Variants in ASAP1 observed in about 807,000 individuals in gnomAD.
ASAP1 encodes the protein ArfGAP with SH3 domain, ankyrin repeat and PH domain 1.
In ASAP1, 43 loss-of-function variants were observed where a neutral mutation model predicts 145.2. That is an observed-to-expected ratio of 0.30 (90% confidence interval 0.23 to 0.38). ASAP1 has a LOEUF of 0.38. ASAP1 is among the 10% of genes least tolerant of loss of function. ASAP1 has a pLI of 1.00. For synonymous variants in ASAP1, 546 were observed against 515.5 expected (o/e 1.06, Z -0.80); for missense variants, 1,018 against 1,355.3 (o/e 0.75, Z 3.91).
intron 24 of ASAP1, among the ~76,000 whole-genome samples, chr8:130,109,179 T>C (rs1159603257): frequency 6.6e-6 from 1 of 152,104 alleles, no homozygotes; most frequent in Non-Finnish European, 1.5e-5. Context: ...TTTACAGCTT[T>C]GATTTAGTCT....
chr8:130,092,210 T>A, intron 24 of ASAP1, 67 bp from the exon 25 acceptor site: 2 of 1,487,032 alleles, frequency 1.3e-6, no homozygotes, highest in Non-Finnish European at 1.8e-6. Context: ...ACAGCCAGTA[T>A]GAAATCACTT....
At chr8:130,337,418 G>A (rs1825104607) in intron 3 of ASAP1, among the ~76,000 whole-genome samples, 2 of 152,096 alleles carry the variant, frequency 1.3e-5, no homozygotes, top group African/African-American at 4.8e-5. Flanking sequence ...TTTTTTAGAA[G>A]TCTCCAGTGT....
chr8:130,191,022 G>T (rs1418292227), intron 5 of ASAP1, among the ~76,000 whole-genome samples: 1 of 150,844 alleles, frequency 6.6e-6, no homozygotes, highest in Non-Finnish European at 1.5e-5. Context: ...GAGATATTTA[G>T]GAAGTGCAAT....
chr8:130,241,234 G>A (rs900809258), intron 3 of ASAP1, among the ~76,000 whole-genome samples: 1 of 152,016 alleles, frequency 6.6e-6, no homozygotes, highest in Non-Finnish European at 1.5e-5. Context: ...CCCCACAAAA[G>A]CCTTCTAAGG....
chr8:130,399,827 T>C (rs2138554422), intron 2 of ASAP1, among the ~76,000 whole-genome samples: 1 of 147,824 alleles, frequency 6.8e-6, no homozygotes, highest in South Asian at 2.1e-4. Flanking sequence ...TTTTTTTTTT[T>C]TTTTTTGAGA....
intron 1 of ASAP1, among the ~76,000 whole-genome samples, chr8:130,406,054 G>C (rs117327577): frequency 6.6e-6 from 1 of 152,148 alleles, no homozygotes; most frequent in Non-Finnish European, 1.5e-5. Context: ...ATACTAAGGC[G>C]ATTTCATTTC....
intron 25 of ASAP1, among the ~76,000 whole-genome samples, chr8:130,088,874 T>C (rs994848897): frequency 6.6e-6 from 1 of 152,196 alleles, no homozygotes; most frequent in African/African-American, 2.4e-5. Flanking sequence ...ACAGACACTA[T>C]TACTAGCCCC....
chr8:130,283,583 G>GAAAAAAAAAAAA lies in ASAP1; in HGVS notation c.187-46590_187-46589insTTTTTTTTTTTT, dbSNP rs745389921. Among the ~76,000 whole-genome samples, 14 of 98,792 alleles carry GAAAAAAAAAAAA rather than the reference G, an allele frequency of 1.4e-4. 1 individual carries two copies. Among genetic ancestry groups the GAAAAAAAAAAAA allele is most frequent in the African/African-American group, 5.9e-4 (14 of 23,868 alleles). 64.8% of individuals were successfully genotyped at this position (98,792 alleles called of 152,430 possible). A position where few individuals can be genotyped will look rare whatever the true frequency, so the allele number is the denominator to read the frequency against. Reference sequence around the variant, plus strand: ...GGTGACAGAACAAGACTCCATCACAGAAAGAAAAAAAAAAAAAAAAAAAAA... The same window carrying GAAAAAAAAAAAA: ...GGTGACAGAACAAGACTCCATCACAGAAAAAAAAAAAAAAAGAAAAAAAAAAAAAAAAAAAAA... On this transcript the variant is annotated intron_variant, in intron 3 of 29. Transcript: ENST00000518721.
chr8:130,273,686 G>A (rs2137097897), intron 3 of ASAP1, among the ~76,000 whole-genome samples: 1 of 152,296 alleles, frequency 6.6e-6, no homozygotes, highest in African/African-American at 2.4e-5. Flanking sequence ...CATTCCTAAA[G>A]ATGACAGAGC....
intron 9 of ASAP1, among the ~76,000 whole-genome samples, chr8:130,175,445 C>T (rs921695328): frequency 4.6e-5 from 7 of 152,016 alleles, no homozygotes; most frequent in African/African-American, 9.7e-5. Flanking sequence ...AGGCTGGTCT[C>T]GAACTCCTGG....
chr8:130,235,597 AAAC>A (rs1818167928), intron 4 of ASAP1, among the ~76,000 whole-genome samples: 1 of 152,232 alleles, frequency 6.6e-6, no homozygotes. Context: ...CCAAGACCTA[AAAC>A]AACATTTGGT....
intron 2 of ASAP1, among the ~76,000 whole-genome samples, chr8:130,394,874 G>A (rs1828454615): frequency 6.6e-6 from 1 of 152,150 alleles, no homozygotes; most frequent in Non-Finnish European, 1.5e-5. Flanking sequence ...ATGCCTGGAG[G>A]CACAGAGAGG....
chr8:130,439,546 G>C (rs1006312719), intron 1 of ASAP1, among the ~76,000 whole-genome samples: 1 of 151,940 alleles, frequency 6.6e-6, no homozygotes, highest in Non-Finnish European at 1.5e-5. Context: ...ATCTGGTAAG[G>C]CCAGCACCAA....
rs141929606 is a variant in ASAP1, at chr8:130,211,634, C to T, written c.405+2922G>A. On this transcript the variant is annotated intron_variant, in intron 5 of 29. Coordinates refer to ENST00000518721, the MANE Select transcript of ASAP1 (RefSeq NM_018482.4). ...CTAGTATGAGACCTGGCCCGCAAAT[C>T]TATCCTTTCCTTTTTCTCCATAAAA... 4.0e-3 allele frequency among the ~76,000 whole-genome samples: 616 copies of T among 152,328 alleles called. 3 individuals are homozygous for T. Among genetic ancestry groups the T allele is most frequent in the Non-Finnish European group, 6.0e-3 (405 of 68,026 alleles).
chr8:130,179,391 T>C, intron 8 of ASAP1, 42 bp from the exon 9 acceptor site: 1 of 1,280,906 alleles, frequency 7.8e-7, no homozygotes, highest in Non-Finnish European at 1.1e-6. Context: ...TAATTCCAGA[T>C]GGGGCTCTTC....
chr8:130,367,890 T>C (rs1827032300), intron 2 of ASAP1, among the ~76,000 whole-genome samples: 1 of 152,236 alleles, frequency 6.6e-6, no homozygotes, highest in Non-Finnish European at 1.5e-5. Flanking sequence ...AACAATGAGC[T>C]GTATCATAAC....
chr8:130,104,446 T>C (rs2097533793), intron 24 of ASAP1, among the ~76,000 whole-genome samples: 1 of 152,232 alleles, frequency 6.6e-6, no homozygotes. Flanking sequence ...ACTTCCTCCG[T>C]CCTTTGTTCT....
chr8:130,417,487 G>A (rs577168126), intron 1 of ASAP1, among the ~76,000 whole-genome samples: 5 of 152,288 alleles, frequency 3.3e-5, no homozygotes, highest in African/African-American at 9.6e-5. Context: ...TGATACGGGC[G>A]GAAAGAGCAG....
At chr8:130,080,051 C>A in intron 25 of ASAP1, 80 bp from the exon 26 acceptor site, 1 of 1,281,464 alleles carries the variant, frequency 7.8e-7, no homozygotes, top group South Asian at 1.2e-5. Context: ...GGCCTGTAGA[C>A]AGGCATTGCT....
Sources: allele counts gnomAD v4.1 joint callset (sites outside exome capture counted in the v4.1 genomes callset), GRCh38; gene constraint gnomAD v4.1.1; transcripts MANE v1.5; gene names NCBI Gene and HGNC (gene_info 2026-07-23, HGNC 2026-07-21).